The following RABGEF1 variants were observed in gnomAD, a reference collection of about 807,000 sequenced individuals.
The protein encoded by RABGEF1 is rab5 GDP/GTP exchange factor.
In RABGEF1, 26 loss-of-function variants were observed where a neutral mutation model predicts 57.3. That is an observed-to-expected ratio of 0.45 (90% confidence interval 0.33 to 0.63). The LOEUF is 0.63. RABGEF1 is among the 20% of genes least tolerant of loss of function. RABGEF1 has a pLI of 0.02. For missense variants in RABGEF1, 464 were observed against 607.6 expected, an observed-to-expected ratio of 0.76 and a Z score of 2.48; for synonymous variants, 185 against 210.7, an observed-to-expected ratio of 0.88 and a Z score of 1.06.
chr7:66,778,775 G>A (rs143223578), intron 3 of RABGEF1, among the ~76,000 whole-genome samples: 2,227 of 152,252 alleles, frequency 0.015, 60 homozygotes, highest in East Asian at 0.094. Context: ...CCAGCTTGGA[G>A]GGGTTTCCAC....
chr7:66,694,386 A>T (rs1280118322), intron 1 of RABGEF1, among the ~76,000 whole-genome samples: 1 of 152,214 alleles, frequency 6.6e-6, no homozygotes, highest in African/African-American at 2.4e-5. Flanking sequence ...TGGAGCGAGG[A>T]TCAGTGAGGC....
intron 1 of RABGEF1, among the ~76,000 whole-genome samples, chr7:66,686,649 C>T (rs1161305959): frequency 6.6e-6 from 1 of 152,062 alleles, no homozygotes; most frequent in Non-Finnish European, 1.5e-5. Flanking sequence ...CTATTTAATA[C>T]TATTTAACTT....
rs183865097 is a variant in RABGEF1 at position 66,727,155 on chromosome 7, A to G, written c.-814-12841A>G. 1.8e-4 allele frequency among the ~76,000 whole-genome samples: 28 copies of G among 152,362 alleles called. No homozygotes were observed. In the East Asian group the frequency reaches 5.4e-3, roughly 29 times the overall value. ...ATAAAGCTATTCTTTTAATAAAAGC[A>G]ATACATTCAAAATTGTGTAAGGATA... On this transcript the variant is annotated intron_variant and NMD_transcript_variant, in intron 2 of 9. Coordinates refer to the RABGEF1 transcript ENST00000607882.
Position 66,754,000 on chromosome 7 carries a change from A to G in RABGEF1, c.-18+13208A>G, listed in dbSNP as rs553813213. 9.0e-5 allele frequency among the ~76,000 whole-genome samples: 13 copies of G among 144,428 alleles called. 1 individual carries two copies. The Admixed American group carries it at 9.1e-4, about 10-fold the overall frequency. The allele number at this position is 144,428 out of a possible 152,430, so 94.8% of individuals were successfully genotyped here. ...GATTACAGGCATGAGCCAACGTACT[A>G]GGCCATTTTTTTTTTTTTTTGAGAC... On this transcript the variant is annotated intron_variant, in intron 1 of 8. Coordinates refer to ENST00000284957, the MANE Select transcript of RABGEF1 (RefSeq NM_014504.3).
At chr7:66,692,035 C>T (rs946713757) in intron 1 of RABGEF1, among the ~76,000 whole-genome samples, 6 of 152,018 alleles carry the variant, frequency 3.9e-5, no homozygotes, top group African/African-American at 7.2e-5. Flanking sequence ...CCAGCTTGAG[C>T]GACAAAGCAA....
chr7:66,665,566 A>G, the RABGEF1 span, among the ~76,000 whole-genome samples: 13 of 152,016 alleles, frequency 8.6e-5, no homozygotes, highest in African/African-American at 2.9e-4. Context: ...CAACCTCACC[A>G]CCTCTGAGCT....
intron 2 of RABGEF1, among the ~76,000 whole-genome samples, chr7:66,727,323 AT>A (rs1431092930): frequency 9.6e-4 from 146 of 152,224 alleles, no homozygotes; most frequent in Non-Finnish European, 4.9e-4. Flanking sequence ...AGGGGATTGA[AT>A]TGGGGGTTCT....
At chr7:66,762,487 G>A (rs1185175737) in intron 1 of RABGEF1, among the ~76,000 whole-genome samples, 4 of 152,148 alleles carry the variant, frequency 2.6e-5, no homozygotes, top group Non-Finnish European at 4.4e-5. Flanking sequence ...CTACTCAAGA[G>A]GCTGAGACGA....
intron 4 of RABGEF1, among the ~76,000 whole-genome samples, chr7:66,786,634 C>T (rs1811252040): frequency 6.6e-6 from 1 of 152,144 alleles, no homozygotes; most frequent in Admixed American, 6.5e-5. Flanking sequence ...GAATTCCTGA[C>T]CTCAGGTGAT....
At chr7:66,705,738 C>G (rs1300474455) in intron 1 of RABGEF1, among the ~76,000 whole-genome samples, 1 of 148,580 alleles carries the variant, frequency 6.7e-6, no homozygotes, top group Non-Finnish European at 1.5e-5. Flanking sequence ...GAGACGGAGT[C>G]TTGCTCTGTT....
chr7:66,706,939 G>A (rs1794190822), intron 1 of RABGEF1, among the ~76,000 whole-genome samples: 1 of 150,650 alleles, frequency 6.6e-6, no homozygotes, highest in African/African-American at 2.4e-5. Context: ...CCACGACCAC[G>A]CCTGGCTAAT....
At chr7:66,768,078 C>A (rs562849408) in intron 1 of RABGEF1, among the ~76,000 whole-genome samples, 1 of 152,226 alleles carries the variant, frequency 6.6e-6, no homozygotes, top group Non-Finnish European at 1.5e-5. Context: ...TAACCGTTTG[C>A]GTATAGAATT....
intron 2 of RABGEF1, among the ~76,000 whole-genome samples, chr7:66,715,906 A>G (rs1366999897): frequency 1.3e-5 from 2 of 152,146 alleles, no homozygotes; most frequent in Non-Finnish European, 2.9e-5. Flanking sequence ...GGCATGTGCC[A>G]TCATGCCTGG....
upstream of RABGEF1, among the ~76,000 whole-genome samples, chr7:66,679,866 C>CA (rs1412224182): frequency 5.9e-5 from 9 of 151,952 alleles, no homozygotes; most frequent in Admixed American, 2.0e-4. Flanking sequence ...CTTGTCTCTA[C>CA]AAAAAAAACT....
intron 1 of RABGEF1, among the ~76,000 whole-genome samples, chr7:66,692,835 A>G (rs1245946612): frequency 6.6e-6 from 1 of 152,160 alleles, no homozygotes; most frequent in African/African-American, 2.4e-5. Context: ...GTGATTCCAC[A>G]GAGTCCACAC....
intron 1 of RABGEF1, among the ~76,000 whole-genome samples, chr7:66,685,477 A>G (rs1790479179): frequency 6.6e-6 from 1 of 152,030 alleles, no homozygotes. Context: ...CAACATAGCA[A>G]GACTGCATCT....
intron 1 of RABGEF1, among the ~76,000 whole-genome samples, chr7:66,693,180 A>T (rs1283469467): frequency 6.6e-6 from 1 of 152,046 alleles, no homozygotes; most frequent in Non-Finnish European, 1.5e-5. Context: ...GGGTATTTGG[A>T]ACATCTCACC....
chr7:66,670,163 T>C, the RABGEF1 span, among the ~76,000 whole-genome samples: 30 of 152,334 alleles, frequency 2.0e-4, no homozygotes, highest in East Asian at 5.8e-3. Context: ...GACCTGGTGC[T>C]GCCTCACCTC....
At chr7:66,797,655 T>A (rs1562874653) in intron 6 of RABGEF1, 149 bp downstream of exon 6, 2 of 897,746 alleles carry the variant, frequency 2.2e-6, no homozygotes, top group Non-Finnish European at 3.3e-6. Context: ...CTCTGTTGTG[T>A]AAGAAAGACG....
Sources: allele counts gnomAD v4.1 joint callset (sites outside exome capture counted in the v4.1 genomes callset), GRCh38; gene constraint gnomAD v4.1.1; transcripts MANE v1.5; gene names NCBI Gene and HGNC (gene_info 2026-07-23, HGNC 2026-07-21).